The following PFKFB1 variants were observed in gnomAD, a reference collection of about 807,000 sequenced individuals.
PFKFB1 encodes the protein 6-phosphofructo-2-kinase/fructose-2,6-bisphosphatase 1.
In PFKFB1, 34 loss-of-function variants were observed where a neutral mutation model predicts 46.4. That is an observed-to-expected ratio of 0.73 (90% CI 0.56 to 0.98). The LOEUF is 0.98. Ranked by LOEUF, PFKFB1 falls within the 50% of genes least tolerant of loss-of-function variation. The pLI is 0.00. For synonymous variants in PFKFB1, 119 were observed against 133.8 expected (o/e 0.89, Z 0.76); for missense variants, 393 against 376.3 (o/e 1.04, Z -0.37).
chrX:54,995,632 G>C (rs1935346178), upstream of PFKFB1, among the ~76,000 whole-genome samples: 1 of 112,406 alleles, frequency 8.9e-6, no homozygotes, highest in African/African-American at 3.2e-5. Flanking sequence ...CAGTGCTTCA[G>C]TTTTCTTATC....
chrX:54,972,712 T>G (rs936604502), intron 1 of PFKFB1, among the ~76,000 whole-genome samples: 1 of 111,566 alleles, frequency 9.0e-6, no homozygotes, highest in African/African-American at 3.3e-5. Flanking sequence ...TGGATAAGCT[T>G]TTTGATGTGC....
intron 1 of PFKFB1, among the ~76,000 whole-genome samples, chrX:54,973,781 AGGTGT>A (rs1430250418): frequency 9.0e-6 from 1 of 111,258 alleles, no homozygotes; most frequent in African/African-American, 3.3e-5. Context: ...ATTTTGGAAT[AGGTGT>A]GGTGTGGTGC....
intron 1 of PFKFB1, among the ~76,000 whole-genome samples, chrX:54,984,548 G>A (rs1935069438): frequency 8.9e-6 from 1 of 112,149 alleles, no homozygotes; most frequent in African/African-American, 3.2e-5. Context: ...AAAATCTACT[G>A]AAATGTGGTA....
chrX:54,983,677 T>C (rs1935051185), intron 1 of PFKFB1, among the ~76,000 whole-genome samples: 2 of 112,239 alleles, frequency 1.8e-5, no homozygotes, highest in African/African-American at 6.5e-5. Flanking sequence ...CCCTTGGGTA[T>C]ATACCCAGTA....
At position 54,938,266 on chromosome X, in the gene PFKFB1, C is replaced by T. The variant is rs140689102; in HGVS notation, c.1099-542G>A. 9.1e-4 allele frequency among the ~76,000 whole-genome samples: 102 copies of T among 112,056 alleles called. 1 individual carries two copies. In the South Asian group the frequency reaches 0.035, roughly 39 times the overall value. ...GAGATGCTCAAAGGCCAAATCTTTA[C>T]GCTCTAAGTGCAAACTAGAAAAAGT... On this transcript the variant is annotated intron_variant, in intron 10 of 13. Coordinates refer to ENST00000375006, the MANE Select transcript of PFKFB1 (RefSeq NM_002625.4).
rs1243592774 is a variant in PFKFB1 at position 54,933,804 on chromosome X, T to C, written c.1356+17A>G. 2 of 1,196,146 alleles carry C rather than the reference T, an allele frequency of 1.7e-6. No individual in the cohort carries two copies. The highest frequency in any genetic ancestry group is 3.0e-5 in the East Asian group (1 of 33,782). ...CTGTGTCCACAGCCAGCTTGGGCCA[T>C]GGAGTCCCCCACCTACCTCAGGCTT... On this transcript the variant is annotated intron_variant, in intron 13 of 13. Transcript: ENST00000375006.
intron 1 of PFKFB1, among the ~76,000 whole-genome samples, chrX:54,986,969 AG>A (rs1292306418): frequency 9.0e-6 from 1 of 111,201 alleles, no homozygotes; most frequent in African/African-American, 3.3e-5. Context: ...AACAGAGACT[AG>A]GAAAACATTA....
intron 1 of PFKFB1, among the ~76,000 whole-genome samples, chrX:54,989,322 GA>G (rs1935181928): frequency 9.0e-6 from 1 of 111,460 alleles, no homozygotes; most frequent in Non-Finnish European, 1.9e-5. Context: ...ATTAATATGA[GA>G]AAAAAGATTG....
chrX:54,952,449 G>A (rs1323126589), intron 7 of PFKFB1, among the ~76,000 whole-genome samples: 1 of 111,215 alleles, frequency 9.0e-6, no homozygotes, highest in South Asian at 3.8e-4. Flanking sequence ...GAGAGAAGCA[G>A]TATCCTTTGC....
In PFKFB1 at chrX:54,937,627, C is replaced by T; in HGVS notation, c.1196G>A (p.Cys399Tyr). The part of the protein sequence containing the change: ...LVICHQAVMR[C>Y]LLAYFLDKSS... ...TTTATCCAGGAAATAGGCCAGGAGG[C>T]ACCGCATGACAGCCTGGTGGCAGAT... Residue 399 changes from cysteine to tyrosine, a missense_variant, in exon 11 of 14, where the codon TGC (cysteine) becomes TAC (tyrosine). Coordinates refer to ENST00000375006, the MANE Select transcript of PFKFB1 (RefSeq NM_002625.4). 1 of 1,208,374 alleles carries T rather than the reference C, an allele frequency of 8.3e-7. No homozygotes were observed. Among genetic ancestry groups the T allele is most frequent in the Non-Finnish European group, 1.1e-6 (1 of 892,511 alleles).
chrX:54,939,484 A>T (rs1933536024), intron 10 of PFKFB1, among the ~76,000 whole-genome samples: 1 of 112,126 alleles, frequency 8.9e-6, no homozygotes, highest in Non-Finnish European at 1.9e-5. Flanking sequence ...AACAAAATTG[A>T]TAGACCAGTA....
chrX:54,969,615 A>C (rs1241718708), intron 1 of PFKFB1, among the ~76,000 whole-genome samples: 1 of 112,377 alleles, frequency 8.9e-6, no homozygotes, highest in East Asian at 2.8e-4. Flanking sequence ...AACTCTTAGC[A>C]ATTTGGAATA....
At chrX:54,973,534 T>C (rs376485266) in intron 1 of PFKFB1, among the ~76,000 whole-genome samples, 5 of 111,707 alleles carry the variant, frequency 4.5e-5, no homozygotes, top group East Asian at 2.8e-4. Flanking sequence ...GATTCTGTTA[T>C]GTTGTGTCTT....
chrX:54,978,523 AC>A (rs772149355), intron 1 of PFKFB1, among the ~76,000 whole-genome samples: 14 of 111,803 alleles, frequency 1.3e-4, no homozygotes, highest in African/African-American at 4.2e-4. Flanking sequence ...CCAAATTATT[AC>A]AGTGTTTTTA....
At chrX:54,974,534 T>C (rs1569547147) in intron 1 of PFKFB1, among the ~76,000 whole-genome samples, 1 of 111,510 alleles carries the variant, frequency 9.0e-6, no homozygotes, top group Non-Finnish European at 1.9e-5. Flanking sequence ...CTTCTAGACA[T>C]TGGCTTAGGC....
upstream of PFKFB1, chrX:54,998,525 G>T: frequency 1.3e-6 from 1 of 762,505 alleles, no homozygotes. Context: ...GGAGGTGTTC[G>T]TTGGTTCCCT....
intron 1 of PFKFB1, among the ~76,000 whole-genome samples, chrX:54,973,465 C>G (rs776650000): frequency 0.01 from 1,112 of 111,121 alleles, 7 homozygotes; most frequent in South Asian, 0.013. Context: ...CCTGCTTTCT[C>G]TTGTGGGCAT....
At chrX:54,962,688 C>A (rs1934352462) in intron 2 of PFKFB1, among the ~76,000 whole-genome samples, 1 of 111,754 alleles carries the variant, frequency 8.9e-6, no homozygotes, top group Admixed American at 9.5e-5. Context: ...AAGAAGGAGA[C>A]AAAAAGAATG....
chrX:54,960,791 A>G (rs896288951), intron 3 of PFKFB1, 33 bp downstream of exon 3: 4 of 965,019 alleles, frequency 4.1e-6, no homozygotes, highest in Non-Finnish European at 5.9e-6. Context: ...CAGCCATGAG[A>G]CAGCACAGGT....
Sources: allele counts gnomAD v4.1 joint callset (sites outside exome capture counted in the v4.1 genomes callset), GRCh38; gene constraint gnomAD v4.1.1; transcripts MANE v1.5; gene names NCBI Gene and HGNC (gene_info 2026-07-23, HGNC 2026-07-21).